NRG1: variants seen among roughly 807,000 people sequenced by gnomAD.
The protein encoded by NRG1 is neuregulin 1.
NRG1 carries 18 observed loss-of-function variants against 63.8 expected under a neutral mutation model. The ratio of observed to expected loss-of-function variants is 0.28; its 90% confidence interval spans 0.19 to 0.42. The LOEUF (loss-of-function observed/expected upper bound fraction) is 0.42. Among genes scored for constraint, NRG1 ranks in the 10% least tolerant of loss-of-function variants. The pLI, the probability that NRG1 is intolerant of heterozygous loss-of-function variation, is 1.00. For missense variants in NRG1, 762 were observed against 814.7 expected (o/e 0.94, Z 0.79); for synonymous variants, 302 against 301.3 (o/e 1.00, Z -0.02).
chr8:31,640,769 G>A lies in NRG1; in HGVS notation c.37+1338G>A. 2 of 1,462,588 alleles carry A rather than the reference G, an allele frequency of 1.4e-6. No individual in the cohort carries two copies. Among genetic ancestry groups the A allele is most frequent in the Non-Finnish European group, 1.8e-6 (2 of 1,105,244 alleles). 90.6% of individuals were successfully genotyped at this position (1,462,588 alleles called of 1,614,324 possible). A position where few individuals can be genotyped will look rare whatever the true frequency, so the allele number is the denominator to read the frequency against. On this transcript the variant is annotated intron_variant, in intron 1 of 10. Coordinates refer to the NRG1 transcript ENST00000519301. This position sits in a 1 kb window ranked among gnomAD's most constrained non-coding sequence, Gnocchi z 6.3. Reference sequence around the variant, plus strand: ...CTTGGGGGCGCGAACCCGCGGCGAGGAGGGCGCATCCCGGGCGCGCGGGCA... The same window carrying A: ...CTTGGGGGCGCGAACCCGCGGCGAGAAGGGCGCATCCCGGGCGCGCGGGCA...
chr8:32,058,731 T>G (rs1823369710), intron 1 of NRG1, among the ~76,000 whole-genome samples: 1 of 152,056 alleles, frequency 6.6e-6, no homozygotes, highest in African/African-American at 2.4e-5. Flanking sequence ...TCTCCTTCTA[T>G]TTATATAACT....
chr8:32,502,094 A>G (rs1280769189), intron 1 of NRG1, among the ~76,000 whole-genome samples: 1 of 152,186 alleles, frequency 6.6e-6, no homozygotes, highest in Non-Finnish European at 1.5e-5. Flanking sequence ...TAATTTACAA[A>G]GAAAAGAGGT....
intron 1 of NRG1, among the ~76,000 whole-genome samples, chr8:31,713,013 C>G (rs1811956435): frequency 6.6e-6 from 1 of 151,510 alleles, no homozygotes; most frequent in African/African-American, 2.4e-5. Context: ...ATCCATCCAT[C>G]CATCCATCCA....
At chr8:32,527,571 A>G (rs927546241) in intron 1 of NRG1, among the ~76,000 whole-genome samples, 1 of 152,010 alleles carries the variant, frequency 6.6e-6, no homozygotes, top group African/African-American at 2.4e-5. Flanking sequence ...AATATACACT[A>G]AAAGCTCAGA....
intron 1 of NRG1, among the ~76,000 whole-genome samples, chr8:32,149,495 T>C (rs1156746995): frequency 7.0e-6 from 1 of 143,210 alleles, no homozygotes; most frequent in Admixed American, 7.5e-5. Flanking sequence ...GTTCTAAATG[T>C]CCACTGCACT....
chr8:32,393,387 T>C (rs1812024342), intron 1 of NRG1, among the ~76,000 whole-genome samples: 1 of 152,206 alleles, frequency 6.6e-6, no homozygotes, highest in South Asian at 2.1e-4. Flanking sequence ...TTACTGGGTA[T>C]ATATCCAAAG....
At chr8:32,459,106 A>G (rs555393309) in intron 1 of NRG1, among the ~76,000 whole-genome samples, 18 of 152,356 alleles carry the variant, frequency 1.2e-4, no homozygotes, top group Non-Finnish European at 2.4e-4. Flanking sequence ...TGACTTCTGC[A>G]TATGGCTGTC....
At chr8:31,821,089 A>T (rs986197007) in intron 1 of NRG1, among the ~76,000 whole-genome samples, 2 of 152,206 alleles carry the variant, frequency 1.3e-5, no homozygotes, top group African/African-American at 4.8e-5. Flanking sequence ...ATACAATGTA[A>T]CTGCTATGTA....
At chr8:32,469,250 A>G (rs1281785897) in intron 1 of NRG1, among the ~76,000 whole-genome samples, 1 of 152,206 alleles carries the variant, frequency 6.6e-6, no homozygotes, top group Non-Finnish European at 1.5e-5. Flanking sequence ...GGAAAGAGAG[A>G]TGTTTAGTAC....
At chr8:32,225,602 T>G (rs936659573) in intron 1 of NRG1, among the ~76,000 whole-genome samples, 1 of 152,194 alleles carries the variant, frequency 6.6e-6, no homozygotes, top group Admixed American at 6.5e-5. Context: ...GTGCTATATG[T>G]GATATATGCA....
At chr8:32,073,978 A>T (rs1586909343) in intron 1 of NRG1, among the ~76,000 whole-genome samples, 1 of 152,178 alleles carries the variant, frequency 6.6e-6, no homozygotes, top group African/African-American at 2.4e-5. Context: ...ATTAACAAAA[A>T]GTTTACTACA....
intron 1 of NRG1, among the ~76,000 whole-genome samples, chr8:31,808,424 C>T (rs1822510123): frequency 6.6e-6 from 1 of 151,888 alleles, no homozygotes; most frequent in Non-Finnish European, 1.5e-5. Context: ...TAATTTAGCC[C>T]ATTCACATTT....
At chr8:32,669,442 G>A (rs548574768) in intron 5 of NRG1, among the ~76,000 whole-genome samples, 1 of 152,182 alleles carries the variant, frequency 6.6e-6, no homozygotes, top group Admixed American at 6.5e-5. Flanking sequence ...TTTTAATGTG[G>A]ACCTCAGAAA....
chr8:31,936,531 A>G (rs1312469624), intron 1 of NRG1, among the ~76,000 whole-genome samples: 1 of 152,224 alleles, frequency 6.6e-6, no homozygotes, highest in Non-Finnish European at 1.5e-5. Context: ...CATCCAAAAA[A>G]ATGACCAAAT....
At chr8:31,905,483 A>G (rs2129616114) in intron 1 of NRG1, among the ~76,000 whole-genome samples, 1 of 152,290 alleles carries the variant, frequency 6.6e-6, no homozygotes, top group Non-Finnish European at 1.5e-5. Context: ...CAACATTTTA[A>G]GATTTGGAGG....
intron 1 of NRG1, among the ~76,000 whole-genome samples, chr8:31,968,725 C>T (rs1586152502): frequency 6.6e-6 from 1 of 152,132 alleles, no homozygotes; most frequent in African/African-American, 2.4e-5. Flanking sequence ...TTCTATTTCT[C>T]ATGGTTTTTT....
intron 1 of NRG1, among the ~76,000 whole-genome samples, chr8:32,059,743 A>G (rs1300459251): frequency 4.0e-5 from 6 of 151,862 alleles, no homozygotes; most frequent in Non-Finnish European, 8.8e-5. Flanking sequence ...TCCTTTTTGC[A>G]CTTATTACAA....
chr8:32,167,456 T>C (rs1839520289), intron 1 of NRG1, among the ~76,000 whole-genome samples: 1 of 152,210 alleles, frequency 6.6e-6, no homozygotes, highest in Non-Finnish European at 1.5e-5. Context: ...GTTGATGTAG[T>C]TTTATTTCTT....
downstream of NRG1, among the ~76,000 whole-genome samples, chr8:32,772,037 ATATGTATATATATATATATAT>A (rs1338117849): frequency 1.8e-5 from 2 of 112,742 alleles, no homozygotes; most frequent in African/African-American, 3.6e-5. Flanking sequence ...AAAAAAAAAA[ATATGTATATATATATATATAT>A]ATATATATAT....
Sources: gnomAD v4.1 joint callset for allele counts (sites outside exome capture counted in the v4.1 genomes callset) on GRCh38, gnomAD v4.1.1 for gene constraint, Gnocchi (gnomAD v3.1) non-coding constraint, MANE v1.5 for transcripts, NCBI Gene and HGNC (gene_info 2026-07-23, HGNC 2026-07-21) for gene names.